KCNN1: variants seen among roughly 807,000 people sequenced by gnomAD.
The protein encoded by KCNN1 is potassium calcium-activated channel subfamily N member 1.
KCNN1 carries 20 observed loss-of-function variants against 44.7 expected under a neutral mutation model. That is an observed-to-expected ratio of 0.45 (90% CI 0.32 to 0.65). The LOEUF (loss-of-function observed/expected upper bound fraction) is 0.65, where lower values mean the gene tolerates loss of function less well. KCNN1 is among the 30% of genes least tolerant of loss of function. KCNN1 has a pLI of 0.05. For missense variants in KCNN1, 632 were observed against 785.3 expected, an observed-to-expected ratio of 0.80 and a Z score of 2.33; for synonymous variants, 324 against 341.7, an observed-to-expected ratio of 0.95 and a Z score of 0.57.
At position 17,982,021 on chromosome 19, in the gene KCNN1, C is replaced by T. The variant is rs2032429833; in HGVS notation, c.811C>T (p.Arg271Cys). ...CCTCAACAAGATCACCTTCAACACG[C>T]GCTTCGTCATGAAGACACTCATGAC... ...GALNKITFNT[R>C]FVMKTLMTIC... Residue 271 changes from arginine to cysteine, a missense_variant, in exon 4 of 10, where the codon CGC (arginine) becomes TGC (cysteine). By Grantham distance (180) the Arg-to-Cys change is radical (BLOSUM62 -3). Transcript: ENST00000684775. The T allele has an allele frequency of 1.2e-6, 2 of 1,610,032 alleles. No individual in the cohort carries two copies. Among genetic ancestry groups the T allele is most frequent in the Admixed American group, 1.7e-5 (1 of 59,516 alleles).
In KCNN1 at chr19:17,973,978, C is replaced by A. The variant is rs376464690; in HGVS notation, c.90C>A (p.Ala30=). The change falls in exon 2 of 10, where the codon GCC becomes GCA. Residue 30 remains alanine, a synonymous_variant. Transcript: ENST00000684775. Reference sequence around the variant, plus strand: ...GACGAGACCCTCCGGACCCTGAGGCCGGCCACCCCCCACAACCCCCGCACA... The same window carrying A: ...GACGAGACCCTCCGGACCCTGAGGCAGGCCACCCCCCACAACCCCCGCACA... ...ALGRDPPDPE[A]GHPPQPPHSP... is the part of the protein sequence containing the mutation. 15 of 1,570,562 alleles carry A rather than the reference C, an allele frequency of 9.6e-6. No individual in the cohort carries two copies. The highest frequency in any genetic ancestry group is 1.4e-5 in the African/African-American group (1 of 73,896).
Position 18,000,083 on chromosome 19 carries a change from G to A in KCNN1, c.*1677G>A. On this transcript the variant is annotated 3_prime_UTR_variant, in exon 10 of 10. Coordinates refer to ENST00000684775, the MANE Select transcript of KCNN1 (RefSeq NM_001386974.1). ...TCCTTCCCGCCTGAGGGATCACACT[G>A]GAGTCTTTGGCAGGACTCATCCTTT... The A allele has an allele frequency of 2.2e-6, 1 of 452,468 alleles. No individual in the cohort carries two copies. The highest frequency in any genetic ancestry group is 4.4e-6 in the Non-Finnish European group (1 of 224,758). The allele number at this position is 452,468 out of a possible 1,614,324, so 28.0% of individuals were successfully genotyped here. A position where few individuals can be genotyped will look rare whatever the true frequency, so the allele number is the denominator to read the frequency against.
At chr19:17,972,360 T>C (rs1176983244) in intron 1 of KCNN1, among the ~76,000 whole-genome samples, 1 of 152,220 alleles carries the variant, frequency 6.6e-6, no homozygotes. Flanking sequence ...TTGAGGTCCC[T>C]GCTCTCACAC....
Position 17,985,321 on chromosome 19 carries a change from C to G in KCNN1, c.927C>G (p.Asp309Glu). Residue 309 changes from aspartate to glutamate, a missense_variant, in exon 5 of 10, where the codon GAC becomes GAG. By Grantham distance (45) the Asp-to-Glu change is conservative (BLOSUM62 2). Coordinates refer to ENST00000684775, the MANE Select transcript of KCNN1 (RefSeq NM_001386974.1). ...ACTCTGGCTCCCCCAGGTACCACGA[C>G]AAGCAGGAAGTGACCAGCAACTTCC... is the stretch of plus-strand genomic sequence containing the variant. ...WTVRVCERYH[D>E]KQEVTSNFLG... 6.3e-7 allele frequency: 1 copy of G among 1,599,070 alleles called. No homozygotes were observed. The highest frequency in any genetic ancestry group is 1.3e-5 in the African/African-American group (1 of 74,842).
chr19:17,998,071 C>G lies in KCNN1; in HGVS notation c.1378-81C>G. 7.0e-7 allele frequency: 1 copy of G among 1,432,300 alleles called. No homozygotes were observed. Among genetic ancestry groups the G allele is most frequent in the South Asian group, 1.4e-5 (1 of 71,004 alleles). The allele number at this position is 1,432,300 out of a possible 1,614,324, so 88.7% of individuals were successfully genotyped here. ...CACCTGGAGCGTGTGGGCTGTCCCT[C>G]TCTGTCATTGGTGTCGTGGTATCGT... On this transcript the variant is annotated intron_variant, in intron 9 of 9. Transcript: ENST00000684775. The surrounding 1 kb of genome is among the most constrained non-coding windows in gnomAD (Gnocchi z 5.4).
At chr19:17,961,175 G>T (rs980346621) in intron 2 of KCNN1, among the ~76,000 whole-genome samples, 2 of 128,986 alleles carry the variant, frequency 1.6e-5, no homozygotes, top group Admixed American at 9.3e-5. Flanking sequence ...AACAGAGTGA[G>T]ACTCTGACTC....
At chr19:17,980,279 G>A (rs1409144864) in intron 3 of KCNN1, among the ~76,000 whole-genome samples, 1 of 121,312 alleles carries the variant, frequency 8.2e-6, no homozygotes, top group Non-Finnish European at 1.7e-5. Flanking sequence ...GTAGAGACGG[G>A]GTTTTGCCAT....
upstream of KCNN1, chr19:17,967,045 C>G: frequency 1.1e-6 from 1 of 882,534 alleles, no homozygotes; most frequent in South Asian, 5.2e-5. Flanking sequence ...GGTGCCAACC[C>G]GGGCTCGGCC....
chr19:17,960,176 G>A (rs751347628), intron 2 of KCNN1, among the ~76,000 whole-genome samples: 1 of 152,056 alleles, frequency 6.6e-6, no homozygotes, highest in Non-Finnish European at 1.5e-5. Context: ...AGCATTCATG[G>A]AGCACTAGTG....
chr19:17,965,341 G>A (rs1214566019), upstream of KCNN1, among the ~76,000 whole-genome samples: 1 of 152,066 alleles, frequency 6.6e-6, no homozygotes, highest in African/African-American at 2.4e-5. Flanking sequence ...GGGTCAGCCC[G>A]TGGGCATGGT....
intron 6 of KCNN1, 133 bp from the exon 7 acceptor site, chr19:17,989,583 C>T: frequency 1.6e-6 from 2 of 1,276,606 alleles, no homozygotes; most frequent in Non-Finnish European, 2.2e-6. Context: ...CAAGCATGGC[C>T]CTGCCTTATA....
chr19:17,986,593 C>T (rs1225043807), intron 5 of KCNN1, among the ~76,000 whole-genome samples: 1 of 152,120 alleles, frequency 6.6e-6, no homozygotes, highest in Non-Finnish European at 1.5e-5. Flanking sequence ...CTGTCCATCC[C>T]CTCTTTCCAG....
Position 17,967,182 on chromosome 19 carries a change from G to GC in KCNN1, c.-212dup. 4 of 495,064 alleles carry GC rather than the reference G, an allele frequency of 8.1e-6. No individual in the cohort carries two copies. The highest frequency in any genetic ancestry group is 1.0e-5 in the Non-Finnish European group (4 of 389,300). The allele number at this position is 495,064 out of a possible 1,614,324, so 30.7% of individuals were successfully genotyped here. On this transcript the variant is annotated 5_prime_UTR_variant, in exon 1 of 10. Coordinates refer to ENST00000684775, the MANE Select transcript of KCNN1 (RefSeq NM_001386974.1). ...TGCCGCCGCCGCCCCCGGCCCCGCC[G>GC]CCCCCGGGCCCCGCGCCCGCTCGCT...
chr19:17,957,600 G>A (rs1364911604), intron 2 of KCNN1, among the ~76,000 whole-genome samples: 1 of 152,128 alleles, frequency 6.6e-6, no homozygotes, highest in Non-Finnish European at 1.5e-5. Flanking sequence ...GTGGGAATGA[G>A]CTTGGCGTGT....
intron 3 of KCNN1, among the ~76,000 whole-genome samples, chr19:17,980,036 T>C (rs1378322416): frequency 2.0e-5 from 3 of 149,382 alleles, no homozygotes; most frequent in African/African-American, 4.9e-5. Context: ...TCCCCATCTC[T>C]GCATTAATTT....
intron 3 of KCNN1, among the ~76,000 whole-genome samples, chr19:17,978,530 G>T (rs1364430549): frequency 6.6e-6 from 1 of 151,082 alleles, no homozygotes; most frequent in African/African-American, 2.4e-5. Context: ...TGGGATCAAG[G>T]AGTCCTGCCT....
intron 3 of KCNN1, among the ~76,000 whole-genome samples, chr19:17,975,977 C>T (rs570362574): frequency 5.9e-5 from 9 of 152,252 alleles, no homozygotes; most frequent in Admixed American, 1.3e-4. Context: ...AGTGTTGGGA[C>T]TTTACAGGCA....
Position 17,974,145 on chromosome 19 carries a change from C to T in KCNN1, c.257C>T (p.Pro86Leu). 1.9e-6 allele frequency: 3 copies of T among 1,613,502 alleles called. No homozygotes were observed. Among genetic ancestry groups the T allele is most frequent in the Non-Finnish European group, 2.5e-6 (3 of 1,179,868 alleles). The change falls in exon 2 of 10, where the codon CCC (proline) becomes CTC (leucine). Residue 86 changes from proline (P) to leucine (L), a missense_variant. By Grantham distance (98) the Pro-to-Leu change is moderately conservative (BLOSUM62 -3). Transcript: ENST00000684775. This position sits in a 1 kb window ranked among gnomAD's most constrained non-coding sequence, Gnocchi z 7.3. ...GGCAGGCAGAGAGCCTCGGGGAAAC[C>T]CTCAAATGTGGGCCACCGCCTGGGC... ...EAGRQRASGK[P>L]SNVGHRLGHR...
intron 2 of KCNN1, among the ~76,000 whole-genome samples, chr19:17,961,154 C>T (rs1215985750): frequency 6.7e-6 from 1 of 148,380 alleles, no homozygotes; most frequent in Non-Finnish European, 1.5e-5. Context: ...CCACTGCACT[C>T]CAGCCTGGGC....
Sources: gnomAD v4.1 joint callset for allele counts (sites outside exome capture counted in the v4.1 genomes callset) on GRCh38, gnomAD v4.1.1 for gene constraint, Gnocchi (gnomAD v3.1) non-coding constraint, MANE v1.5 for transcripts, NCBI Gene and HGNC (gene_info 2026-07-23, HGNC 2026-07-21) for gene names.